Variants in C4orf36 observed in about 807,000 individuals in gnomAD.
C4orf36 encodes uncharacterized protein C4orf36.
C4orf36 carries 11 observed loss-of-function variants against 12.2 expected under a neutral mutation model. The ratio of observed to expected loss-of-function variants is 0.90; its 90% CI spans 0.57 to 1.49. The LOEUF is 1.49. Ranked by LOEUF, C4orf36 falls within the 40% of genes most tolerant of loss-of-function variation. The probability of loss-of-function intolerance (pLI) is 0.00; values close to 1 mark genes in which losing one functional copy is unlikely to be tolerated. For synonymous variants in C4orf36, 54 were observed against 51.3 expected, an observed-to-expected ratio of 1.05 and a Z score of -0.22; for missense variants, 137 against 133.9, an observed-to-expected ratio of 1.02 and a Z score of -0.11.
chr4:86,928,902 T>G, the C4orf36 span, among the ~76,000 whole-genome samples: 1 of 152,046 alleles, frequency 6.6e-6, no homozygotes, highest in Non-Finnish European at 1.5e-5. Context: ...TTTTTTTTCT[T>G]CCTCCTTCCC....
chr4:86,916,744 T>C, the C4orf36 span, among the ~76,000 whole-genome samples: 19 of 152,356 alleles, frequency 1.2e-4, no homozygotes, highest in East Asian at 2.7e-3. Flanking sequence ...ACTCATAGAA[T>C]ACCTTGTCCA....
At chr4:86,878,202 G>C (rs76283582) in intron 4 of C4orf36, among the ~76,000 whole-genome samples, 23,168 of 151,986 alleles carry the variant, frequency 0.15, 2,122 homozygotes, top group East Asian at 0.32. Context: ...CGACAGACTG[G>C]AGCTGAGTGG....
At chr4:86,888,309 T>C (rs1747264412) in intron 2 of C4orf36, 34 bp from the exon 3 acceptor site, 1 of 1,595,084 alleles carries the variant, frequency 6.3e-7, no homozygotes, top group African/African-American at 1.3e-5. Context: ...ATTCAATAAA[T>C]ATTGATTAAG....
chr4:86,880,241 G>T (rs1234082651), intron 4 of C4orf36, among the ~76,000 whole-genome samples: 1 of 152,160 alleles, frequency 6.6e-6, no homozygotes, highest in African/African-American at 2.4e-5. Flanking sequence ...GGGAGGCCAA[G>T]GTGAACAGAT....
the C4orf36 span, among the ~76,000 whole-genome samples, chr4:86,914,548 C>T: frequency 6.6e-6 from 1 of 151,962 alleles, no homozygotes; most frequent in Middle Eastern, 3.4e-3. Context: ...TTACAGGCGC[C>T]CGCCACACCA....
the C4orf36 span, among the ~76,000 whole-genome samples, chr4:86,908,320 G>C: frequency 6.6e-6 from 1 of 152,078 alleles, no homozygotes; most frequent in Non-Finnish European, 1.5e-5. Context: ...AGATAAAATT[G>C]AGTGAACTGC....
At chr4:86,884,875 T>G (rs1201814933) in intron 4 of C4orf36, among the ~76,000 whole-genome samples, 1 of 152,210 alleles carries the variant, frequency 6.6e-6, no homozygotes, top group African/African-American at 2.4e-5. Context: ...GAATTAATTT[T>G]TGTGTAAGGT....
the C4orf36 span, among the ~76,000 whole-genome samples, chr4:86,932,014 A>C: frequency 7.2e-6 from 1 of 139,716 alleles, no homozygotes; most frequent in Non-Finnish European, 1.5e-5. Context: ...CAGCCTGGGC[A>C]ATAGAGCGAG....
At chr4:86,894,007 C>T (rs1346697987), upstream of C4orf36, among the ~76,000 whole-genome samples, 1 of 140,712 alleles carries the variant, frequency 7.1e-6, no homozygotes, top group Non-Finnish European at 1.6e-5. Context: ...CGCCATTCTC[C>T]TGCCTCAGCC....
intron 4 of C4orf36, among the ~76,000 whole-genome samples, chr4:86,886,224 A>G (rs1184094977): frequency 1.3e-5 from 2 of 152,210 alleles, no homozygotes; most frequent in African/African-American, 4.8e-5. Context: ...AAAATGAGTT[A>G]GGGAGGATAC....
chr4:86,924,220 AAC>A, the C4orf36 span, among the ~76,000 whole-genome samples: 1 of 151,846 alleles, frequency 6.6e-6, no homozygotes, highest in African/African-American at 2.4e-5. Flanking sequence ...CTTTTTTTGA[AAC>A]AGAGTCTCAC....
the C4orf36 span, among the ~76,000 whole-genome samples, chr4:86,908,166 CAT>C: frequency 1.4e-5 from 1 of 73,272 alleles, no homozygotes; most frequent in Non-Finnish European, 2.6e-5. Context: ...ATACTTTCAA[CAT>C]ACACACACAC....
intron 4 of C4orf36, among the ~76,000 whole-genome samples, chr4:86,877,673 A>G (rs1237970210): frequency 2.0e-5 from 3 of 152,222 alleles, no homozygotes; most frequent in African/African-American, 4.8e-5. Context: ...CATTTGTGCC[A>G]TATGTCACAG....
chr4:86,892,633 A>C (rs771475878), upstream of C4orf36, among the ~76,000 whole-genome samples: 1 of 152,198 alleles, frequency 6.6e-6, no homozygotes, highest in South Asian at 2.1e-4. Context: ...TTTCCAATGT[A>C]GGGGGCTGCA....
At chr4:86,913,171 G>A in the C4orf36 span, 1 of 380,874 alleles carries the variant, frequency 2.6e-6, no homozygotes, top group Non-Finnish European at 4.9e-6. Flanking sequence ...GTTTCCTTGG[G>A]GCTGGCTTCC....
the C4orf36 span, among the ~76,000 whole-genome samples, chr4:86,907,965 A>T: frequency 6.6e-6 from 1 of 151,772 alleles, no homozygotes; most frequent in African/African-American, 2.4e-5. Flanking sequence ...CTCAGAAAAA[A>T]AAAAAAAAGA....
the C4orf36 span, among the ~76,000 whole-genome samples, chr4:86,912,910 CTTTT>C: frequency 7.1e-6 from 1 of 141,410 alleles, no homozygotes; most frequent in African/African-American, 2.6e-5. Context: ...TTTCGCTTTT[CTTTT>C]TTTTTTTTCA....
chr4:86,882,880 T>C (rs1747081320), intron 4 of C4orf36, among the ~76,000 whole-genome samples: 2 of 152,180 alleles, frequency 1.3e-5, no homozygotes, highest in South Asian at 4.1e-4. Context: ...ATACACGCCC[T>C]GGGAGGCCTA....
chr4:86,886,991 T>C (rs1747196882), intron 4 of C4orf36: 1 of 152,126 alleles, frequency 6.6e-6, no homozygotes, highest in Non-Finnish European at 1.5e-5. Flanking sequence ...GAAACCATCA[T>C]TCTCAGCAAA....
Sources: gnomAD v4.1 joint callset for allele counts (sites outside exome capture counted in the v4.1 genomes callset) on GRCh38, gnomAD v4.1.1 for gene constraint, MANE v1.5 for transcripts, NCBI Gene and HGNC (gene_info 2026-07-23, HGNC 2026-07-21) for gene names.